The following POPDC2 variants were observed in gnomAD, a reference collection of about 807,000 sequenced individuals.
POPDC2 encodes the protein popeye domain cAMP effector 2, also known as popeye domain-containing protein 2.
Under a neutral mutation model 30.5 loss-of-function variants are expected in POPDC2, and 24 were observed. The ratio of observed to expected loss-of-function variants is 0.79; its 90% CI spans 0.57 to 1.11. The LOEUF is 1.11. POPDC2 is among the 50% of genes least tolerant of loss of function. The pLI is 0.00. For synonymous variants in POPDC2, 185 were observed against 183.3 expected (o/e 1.01, Z -0.07); for missense variants, 409 against 447.0 (o/e 0.91, Z 0.77).
At chr3:119,646,712 A>T (rs1442479562) in intron 3 of POPDC2, among the ~76,000 whole-genome samples, 1 of 152,170 alleles carries the variant, frequency 6.6e-6, no homozygotes, top group Non-Finnish European at 1.5e-5. Context: ...TGGAGAAGAA[A>T]GAAGAGAAAA....
intron 3 of POPDC2, among the ~76,000 whole-genome samples, chr3:119,646,213 A>G (rs1011748776): frequency 2.6e-5 from 4 of 152,192 alleles, no homozygotes; most frequent in Admixed American, 6.5e-5. Context: ...AAGGCAAAAA[A>G]GGTGGGAAAA....
At chr3:119,653,066 GTGTGTA>G (rs983234205) in intron 2 of POPDC2, among the ~76,000 whole-genome samples, 21 of 144,076 alleles carry the variant, frequency 1.5e-4, no homozygotes, top group South Asian at 4.4e-4. Flanking sequence ...GCATGTGTGT[GTGTGTA>G]TGTGTGTGTG....
intron 2 of POPDC2, among the ~76,000 whole-genome samples, chr3:119,653,626 C>T (rs560465788): frequency 4.6e-5 from 7 of 152,130 alleles, no homozygotes; most frequent in African/African-American, 1.7e-4. Flanking sequence ...TACAGGTGCC[C>T]GCCACCATGC....
chr3:119,646,898 C>T (rs2052751685), intron 3 of POPDC2, among the ~76,000 whole-genome samples: 1 of 152,190 alleles, frequency 6.6e-6, no homozygotes, highest in African/African-American at 2.4e-5. Flanking sequence ...AACAGCTGCA[C>T]AGAGGGAAAG....
chr3:119,653,681 G>A (rs1242017122), intron 2 of POPDC2, among the ~76,000 whole-genome samples: 1 of 152,106 alleles, frequency 6.6e-6, no homozygotes, highest in African/African-American at 2.4e-5. Flanking sequence ...ATTTCATCGT[G>A]TTAGCCAGGA....
rs556740740 is a variant in POPDC2, at chr3:119,660,566, C to T, written c.-143G>A. The T allele has an allele frequency of 1.4e-4, 134 of 971,396 alleles. No homozygotes were observed. Among genetic ancestry groups the T allele is most frequent in the Non-Finnish European group, 1.8e-4 (119 of 676,336 alleles). The allele number at this position is 971,396 out of a possible 1,614,324, so 60.2% of individuals were successfully genotyped here. A position where few individuals can be genotyped will look rare whatever the true frequency, so the allele number is the denominator to read the frequency against. ...TCCACCTTTCCTAGAAGGAATGCTT[C>T]CGGTGGCTTTGGGAAGGAATGATGG... On this transcript the variant is annotated 5_prime_UTR_variant, in exon 1 of 4. Coordinates refer to ENST00000493094, the MANE Select transcript of POPDC2 (RefSeq NM_001369919.2).
rs763786249 is a variant in POPDC2, at chr3:119,660,089, T to C, written c.335A>G (p.Tyr112Cys). 1.9e-6 allele frequency: 3 copies of C among 1,614,086 alleles called. No individual in the cohort carries two copies. Among genetic ancestry groups the C allele is most frequent in the Admixed American group, 3.3e-5 (2 of 60,004 alleles). The change falls in exon 1 of 4, where the codon TAC becomes TGC. Residue 112 changes from tyrosine to cysteine, a missense_variant. Coordinates refer to ENST00000493094, the MANE Select transcript of POPDC2 (RefSeq NM_001369919.2). ...DTLPEEFDLL[Y>C]KTLCLPLQVP... ...CTGCAAGGGCAGGCACAGCGTCTTGTAGAGGAGGTCAAACTCCTCAGGGAG... is the reference window on the plus strand; with the variant it reads ...CTGCAAGGGCAGGCACAGCGTCTTGCAGAGGAGGTCAAACTCCTCAGGGAG...
intron 2 of POPDC2, among the ~76,000 whole-genome samples, chr3:119,648,915 GA>G (rs1274506923): frequency 6.6e-6 from 1 of 152,172 alleles, no homozygotes; most frequent in Non-Finnish European, 1.5e-5. Flanking sequence ...ATCACCTCCT[GA>G]AGCCTCAGTT....
At chr3:119,646,327 G>T (rs1232201994) in intron 3 of POPDC2, among the ~76,000 whole-genome samples, 3 of 152,040 alleles carry the variant, frequency 2.0e-5, no homozygotes, top group Non-Finnish European at 4.4e-5. Context: ...CATAGAAAAT[G>T]GACACTTAAG....
At chr3:119,644,191 A>C (rs988584837) in intron 3 of POPDC2, among the ~76,000 whole-genome samples, 1 of 152,188 alleles carries the variant, frequency 6.6e-6, no homozygotes, top group South Asian at 2.1e-4. Context: ...TGCTTATTTA[A>C]ATAATAGGGA....
At chr3:119,646,799 G>A (rs1397502918) in intron 3 of POPDC2, among the ~76,000 whole-genome samples, 3 of 152,190 alleles carry the variant, frequency 2.0e-5, no homozygotes, top group Non-Finnish European at 4.4e-5. Context: ...CGAAGAGAGA[G>A]TGTATAGGTG....
intron 3 of POPDC2, among the ~76,000 whole-genome samples, chr3:119,645,789 G>T (rs751019964): frequency 6.6e-6 from 1 of 152,090 alleles, no homozygotes; most frequent in South Asian, 2.1e-4. Flanking sequence ...GATGTCCTGG[G>T]GCTTGTGTCT....
chr3:119,648,399 A>C lies in POPDC2; in HGVS notation c.870T>G (p.Cys290Trp). 1 of 1,614,186 alleles carries C rather than the reference A, an allele frequency of 6.2e-7. No homozygotes were observed. The highest frequency in any genetic ancestry group is 1.7e-5 in the Admixed American group (1 of 60,028). The change falls in exon 3 of 4, where the codon TGT (cysteine) becomes TGG (tryptophan). Residue 290 changes from cysteine (C) to tryptophan (W), a missense_variant. Cys to Trp is a radical substitution (Grantham distance 215, BLOSUM62 -2). Transcript: ENST00000493094. ...CCTGAGGAGGGGACACAGCTGGCTC[A>C]CAGACTTCCTCATCACCCTTCTCGG... ...PESEKGDEEV[C>W]EPAVSPPQAT... is the part of the protein sequence containing the mutation.
chr3:119,652,548 T>A (rs1327485613), intron 2 of POPDC2, among the ~76,000 whole-genome samples: 1 of 152,124 alleles, frequency 6.6e-6, no homozygotes, highest in African/African-American at 2.4e-5. Context: ...AGAGGCCATG[T>A]GAGGTTACAG....
intron 3 of POPDC2, 77 bp from the exon 4 acceptor site, chr3:119,642,638 G>GT (rs1459694714): frequency 9.8e-7 from 1 of 1,018,130 alleles, no homozygotes; most frequent in Non-Finnish European, 1.5e-6. Context: ...GTTCTTTTCA[G>GT]TTTTTTTCTT....
intron 1 of POPDC2, among the ~76,000 whole-genome samples, chr3:119,658,615 C>T (rs1255420562): frequency 6.6e-6 from 1 of 152,194 alleles, no homozygotes; most frequent in Non-Finnish European, 1.5e-5. Context: ...AACATTTTCA[C>T]AATAGTTATA....
At chr3:119,653,998 G>C (rs2052847611) in intron 2 of POPDC2, among the ~76,000 whole-genome samples, 1 of 32,436 alleles carries the variant, frequency 3.1e-5, no homozygotes, top group Non-Finnish European at 1.1e-4. Flanking sequence ...AAGCTGGTGA[G>C]GCTGTGGGGT....
At chr3:119,650,123 A>G (rs1182432220) in intron 2 of POPDC2, among the ~76,000 whole-genome samples, 1 of 152,242 alleles carries the variant, frequency 6.6e-6, no homozygotes, top group Non-Finnish European at 1.5e-5. Context: ...ATTCCCAAAC[A>G]AGAAATCAGA....
At chr3:119,649,733 C>T (rs540897630) in intron 2 of POPDC2, among the ~76,000 whole-genome samples, 3 of 152,270 alleles carry the variant, frequency 2.0e-5, no homozygotes, top group African/African-American at 7.2e-5. Context: ...AGTAGGGTAG[C>T]TTTCCAAACA....
Sources: allele counts gnomAD v4.1 joint callset (sites outside exome capture counted in the v4.1 genomes callset), GRCh38; gene constraint gnomAD v4.1.1; transcripts MANE v1.5; gene names NCBI Gene and HGNC (gene_info 2026-07-23, HGNC 2026-07-21).